Variants in HDAC4 observed in about 807,000 individuals in gnomAD.
The protein encoded by HDAC4 is histone deacetylase A.
Under a neutral mutation model 135.1 loss-of-function variants are expected in HDAC4, and 16 were observed. That is an observed-to-expected ratio of 0.12 (90% confidence interval 0.08 to 0.18). The LOEUF is 0.18. HDAC4 is among the 10% of genes least tolerant of loss of function. The probability of loss-of-function intolerance (pLI) is 1.00; values close to 1 mark genes in which losing one functional copy is unlikely to be tolerated. For missense variants in HDAC4, 1,143 were observed against 1,511.8 expected (o/e 0.76, Z 4.05); for synonymous variants, 685 against 653.4 (o/e 1.05, Z -0.74).
intron 24 of HDAC4, among the ~76,000 whole-genome samples, chr2:239,063,439 C>T (rs1185167233): frequency 2.4e-4 from 36 of 152,210 alleles, no homozygotes; most frequent in African/African-American, 8.2e-4. Context: ...CTCCTGACCT[C>T]GTGATCCGCC....
At chr2:239,346,828 ACCT>A (rs1490522140) in intron 2 of HDAC4, among the ~76,000 whole-genome samples, 46 of 119,882 alleles carry the variant, frequency 3.8e-4, no homozygotes, top group African/African-American at 1.4e-3. Context: ...CACACACACC[ACCT>A]AACACACACA....
In HDAC4 at chr2:239,310,979, G is replaced by A. The variant is rs553588502; in HGVS notation, c.22+41699C>T. 1.1e-4 allele frequency among the ~76,000 whole-genome samples: 16 copies of A among 152,304 alleles called. No individual in the cohort carries two copies. In the East Asian group the frequency reaches 1.7e-3, roughly 17 times the overall value. ...AGCCCTAATACTAAGCAAGAGCAGCGCCACAATTCCAAAACTGCAGAGAGC... is the reference window on the plus strand; with the variant it reads ...AGCCCTAATACTAAGCAAGAGCAGCACCACAATTCCAAAACTGCAGAGAGC... On this transcript the variant is annotated intron_variant, in intron 2 of 26. Coordinates refer to ENST00000543185, the MANE Select transcript of HDAC4 (RefSeq NM_001378414.1).
intron 2 of HDAC4, among the ~76,000 whole-genome samples, chr2:239,249,679 TTACTC>T (rs1332578825): frequency 6.6e-6 from 1 of 152,060 alleles, no homozygotes; most frequent in Non-Finnish European, 1.5e-5. Context: ...GCAGCATCCT[TTACTC>T]TACCCGAAAT....
chr2:239,107,207 C>A (rs910894757), intron 15 of HDAC4, among the ~76,000 whole-genome samples: 1 of 152,244 alleles, frequency 6.6e-6, no homozygotes, highest in East Asian at 1.9e-4. Flanking sequence ...GCTGGGACAG[C>A]CTCACCAAAG....
intron 11 of HDAC4, among the ~76,000 whole-genome samples, chr2:239,128,309 G>A (rs992645248): frequency 4.3e-4 from 36 of 83,164 alleles, no homozygotes; most frequent in African/African-American, 9.9e-4. Context: ...TTGAGAGGCC[G>A]AGGTGGGTGG....
intron 17 of HDAC4, among the ~76,000 whole-genome samples, chr2:239,092,685 G>A (rs2036626389): frequency 6.6e-6 from 1 of 152,128 alleles, no homozygotes; most frequent in Non-Finnish European, 1.5e-5. Context: ...GCCTGCTTCA[G>A]GACCACGGCT....
intron 2 of HDAC4, among the ~76,000 whole-genome samples, chr2:239,294,733 A>G (rs2125547725): frequency 6.6e-6 from 1 of 151,652 alleles, no homozygotes; most frequent in East Asian, 2.0e-4. Flanking sequence ...CCTCGGAGGC[A>G]GCACAGCCCA....
intron 9 of HDAC4, among the ~76,000 whole-genome samples, chr2:239,135,281 A>G (rs1361355998): frequency 6.6e-6 from 1 of 152,178 alleles, no homozygotes; most frequent in Non-Finnish European, 1.5e-5. Context: ...TCATAAAACA[A>G]CTGCCTCTAC....
At chr2:239,101,727 C>T (rs1030243526) in intron 16 of HDAC4, among the ~76,000 whole-genome samples, 1 of 152,246 alleles carries the variant, frequency 6.6e-6, no homozygotes, top group African/African-American at 2.4e-5. Flanking sequence ...GCCCTGGGAT[C>T]CCCCATCCCC....
intron 1 of HDAC4, among the ~76,000 whole-genome samples, chr2:239,378,446 G>C (rs920220656): frequency 6.6e-6 from 1 of 152,150 alleles, no homozygotes; most frequent in Non-Finnish European, 1.5e-5. Context: ...ACTGCGCCAG[G>C]GCTGGCACCC....
chr2:239,090,621 T>C (rs1490126425), intron 17 of HDAC4, among the ~76,000 whole-genome samples: 4 of 148,848 alleles, frequency 2.7e-5, no homozygotes, highest in African/African-American at 9.9e-5. Context: ...CCAGTCTGGG[T>C]AACACAGTGA....
intron 2 of HDAC4, among the ~76,000 whole-genome samples, chr2:239,325,530 A>T (rs1210249149): frequency 6.6e-6 from 1 of 152,220 alleles, no homozygotes; most frequent in African/African-American, 2.4e-5. Context: ...TACCATTCAC[A>T]CTCACTAGGA....
At chr2:239,388,992 G>A (rs921089355) in intron 1 of HDAC4, among the ~76,000 whole-genome samples, 2 of 152,212 alleles carry the variant, frequency 1.3e-5, no homozygotes, top group African/African-American at 4.8e-5. Context: ...GGCCCTGGGA[G>A]CCCGCATTCT....
At chr2:239,359,978 T>C (rs1442336891) in intron 1 of HDAC4, among the ~76,000 whole-genome samples, 1 of 152,120 alleles carries the variant, frequency 6.6e-6, no homozygotes, top group Non-Finnish European at 1.5e-5. Flanking sequence ...AGACCCAAGG[T>C]ACACCTGTTA....
intron 2 of HDAC4, among the ~76,000 whole-genome samples, chr2:239,315,022 C>T (rs2053057972): frequency 6.6e-6 from 1 of 152,178 alleles, no homozygotes; most frequent in Non-Finnish European, 1.5e-5. Context: ...AGCCTGCTAC[C>T]CGGAGGCTTC....
intron 16 of HDAC4, among the ~76,000 whole-genome samples, chr2:239,096,229 C>A (rs1452776737): frequency 6.6e-6 from 1 of 152,120 alleles, no homozygotes; most frequent in Non-Finnish European, 1.5e-5. Flanking sequence ...GCGTGCCTGG[C>A]TGGGAAGAGC....
chr2:239,165,443 T>TTAGAATCTTCCGGCGA (rs1466779646), intron 5 of HDAC4, among the ~76,000 whole-genome samples: 1 of 152,214 alleles, frequency 6.6e-6, no homozygotes, highest in African/African-American at 2.4e-5. Context: ...TTATGTGTTC[T>TTAGAATCTTCCGGCGA]TAGAATCTTC....
intron 3 of HDAC4, among the ~76,000 whole-genome samples, chr2:239,233,118 T>A (rs2047691729): frequency 6.6e-6 from 1 of 152,266 alleles, no homozygotes; most frequent in Non-Finnish European, 1.5e-5. Context: ...ATCTTAGTGG[T>A]AGGCAAATGG....
chr2:239,241,112 T>C (rs2153190434), intron 2 of HDAC4, among the ~76,000 whole-genome samples: 1 of 152,276 alleles, frequency 6.6e-6, no homozygotes, highest in Middle Eastern at 3.4e-3. Context: ...GCGGCTTGTC[T>C]GAAGCTGGAC....
Sources: gnomAD v4.1 joint callset for allele counts (sites outside exome capture counted in the v4.1 genomes callset) on GRCh38, gnomAD v4.1.1 for gene constraint, MANE v1.5 for transcripts, NCBI Gene and HGNC (gene_info 2026-07-23, HGNC 2026-07-21) for gene names.